The following XRRA1 variants were observed in gnomAD, a reference collection of about 807,000 sequenced individuals.
XRRA1 encodes the protein X-ray radiation resistance-associated protein 1.
Under a neutral mutation model 80.2 loss-of-function variants are expected in XRRA1, and 69 were observed. The ratio of observed to expected loss-of-function variants is 0.86; its 90% CI spans 0.71 to 1.05. The LOEUF is 1.05. Ranked by LOEUF, XRRA1 falls within the 50% of genes least tolerant of loss-of-function variation. XRRA1 has a pLI of 0.00. For missense variants in XRRA1, 967 were observed against 976.4 expected (o/e 0.99, Z 0.13); for synonymous variants, 348 against 389.9 (o/e 0.89, Z 1.27).
intron 11 of XRRA1, among the ~76,000 whole-genome samples, chr11:74,859,804 C>G (rs2041947805): frequency 6.6e-6 from 1 of 152,064 alleles, no homozygotes; most frequent in South Asian, 2.1e-4. Flanking sequence ...GAGGATGAAA[C>G]AACAGTCCTA....
In XRRA1 at chr11:74,949,090, G is replaced by T. The variant is rs951595474; in HGVS notation, c.-235C>A. On this transcript the variant is annotated 5_prime_UTR_variant, in exon 1 of 19. In the 5' UTR this introduces an upstream ATG that the reference lacks. Coordinates refer to ENST00000684022, the MANE Select transcript of XRRA1 (RefSeq NM_001378157.1). ...AGTAACTGCGACGCGACGGCAGACA[G>T]TGTAGGCGGCAACCGACGGCCGGGA... 1 of 532,646 alleles carries T rather than the reference G, an allele frequency of 1.9e-6. No homozygotes were observed. Among genetic ancestry groups the T allele is most frequent in the East Asian group, 3.3e-5 (1 of 30,244 alleles). The allele number at this position is 532,646 out of a possible 1,614,324, so 33.0% of individuals were successfully genotyped here.
intron 7 of XRRA1, among the ~76,000 whole-genome samples, chr11:74,922,413 C>A (rs1941115794): frequency 6.6e-6 from 1 of 152,120 alleles, no homozygotes; most frequent in African/African-American, 2.4e-5. Flanking sequence ...AGTCAGAAAA[C>A]CGTGTTTCTC....
chr11:74,856,704 C>T (rs1460946463), intron 12 of XRRA1, among the ~76,000 whole-genome samples: 1 of 152,180 alleles, frequency 6.6e-6, no homozygotes. Flanking sequence ...AGACTGGAGG[C>T]AGGAGAGAGA....
At chr11:74,927,859 TTC>T (rs1278566514) in intron 6 of XRRA1, among the ~76,000 whole-genome samples, 6 of 152,208 alleles carry the variant, frequency 3.9e-5, no homozygotes, top group Non-Finnish European at 7.3e-5. Flanking sequence ...AAATAAAAAG[TTC>T]TGTTTAATCC....
intron 13 of XRRA1, among the ~76,000 whole-genome samples, 162 bp from the exon 14 acceptor site, chr11:74,851,365 C>T (rs1374106723): frequency 6.6e-6 from 1 of 152,124 alleles, no homozygotes; most frequent in African/African-American, 2.4e-5. Flanking sequence ...GAATTCCTAC[C>T]TCCTACCATT....
At chr11:74,880,979 C>T (rs1218644727) in intron 10 of XRRA1, among the ~76,000 whole-genome samples, 89 of 146,222 alleles carry the variant, frequency 6.1e-4, no homozygotes, top group African/African-American at 1.9e-3. Context: ...CTATTAGGTC[C>T]GCTTGGTGCA....
rs1202077323 is a variant in XRRA1 at position 74,843,091 on chromosome 11, C to G, written c.*109G>C. 28 of 1,408,270 alleles carry G rather than the reference C, an allele frequency of 2.0e-5. No homozygotes were observed. Among genetic ancestry groups the G allele is most frequent in the South Asian group, 2.9e-5 (2 of 68,576 alleles). The allele number at this position is 1,408,270 out of a possible 1,614,324, so 87.2% of individuals were successfully genotyped here. A position where few individuals can be genotyped will look rare whatever the true frequency, so the allele number is the denominator to read the frequency against. On this transcript the variant is annotated 3_prime_UTR_variant, in exon 19 of 19. Coordinates refer to ENST00000684022, the MANE Select transcript of XRRA1 (RefSeq NM_001378157.1). ...CCAGCAAGTGGGGCCCAGCTGAGCT[C>G]TGAGGCCTGTGGCCGGCTGGTCAAC...
chr11:74,921,261 T>C lies in XRRA1; in HGVS notation c.609A>G (p.Thr203=), dbSNP rs202197636. The C allele has an allele frequency of 4.6e-5, 75 of 1,613,852 alleles. 1 individual carries two copies. The South Asian group carries it at 8.1e-4, about 17-fold the overall frequency. The change falls in exon 8 of 19, where the codon ACA becomes ACG. Residue 203 remains threonine, a synonymous_variant. Transcript: ENST00000684022. ...GCGGCAGGGAGGTAAGGCCATTGCC[T>C]GTGAGGAGCAGGACACGGAGGTGTG... The part of the protein sequence containing the change: ...ILPHLRVLLL[T]GNGLTSLPPN...
chr11:74,860,193 A>G (rs1715413096), intron 11 of XRRA1, among the ~76,000 whole-genome samples: 1 of 152,224 alleles, frequency 6.6e-6, no homozygotes, highest in South Asian at 2.1e-4. Flanking sequence ...GTCAACTTGT[A>G]AAACCACACA....
chr11:74,946,800 G>A (rs986346963), intron 1 of XRRA1, among the ~76,000 whole-genome samples: 1 of 150,128 alleles, frequency 6.7e-6, no homozygotes, highest in African/African-American at 2.5e-5. Flanking sequence ...CACCCAGGCT[G>A]GAGTGCAGTG....
chr11:74,865,608 C>CT (rs572000549), intron 10 of XRRA1, among the ~76,000 whole-genome samples: 65 of 152,316 alleles, frequency 4.3e-4, no homozygotes, highest in African/African-American at 1.5e-3. Context: ...CAAGGAACTA[C>CT]TTGTGCAGGG....
chr11:74,867,921 T>TA (rs1208202679), intron 10 of XRRA1, among the ~76,000 whole-genome samples: 21 of 144,060 alleles, frequency 1.5e-4, no homozygotes, highest in Non-Finnish European at 3.1e-4. Context: ...GTCAATCTTT[T>TA]TTTTTTTTTT....
intron 10 of XRRA1, among the ~76,000 whole-genome samples, chr11:74,878,753 T>C (rs2046712037): frequency 6.6e-6 from 1 of 150,608 alleles, no homozygotes; most frequent in South Asian, 2.1e-4. Flanking sequence ...TTCTCAGGTT[T>C]GTCAAAGATC....
chr11:74,859,218 C>A lies in XRRA1; in HGVS notation c.1110G>T (p.Arg370Ser). 1 of 1,609,910 alleles carries A rather than the reference C, an allele frequency of 6.2e-7. No homozygotes were observed. The highest frequency in any genetic ancestry group is 8.5e-7 in the Non-Finnish European group (1 of 1,178,356). Residue 370 changes from arginine (R) to serine (S), a missense_variant, in exon 12 of 19, where the codon AGG (arginine) becomes AGT (serine). Physicochemically the swap from Arg to Ser is moderately radical, Grantham distance 110. Coordinates refer to ENST00000684022, the MANE Select transcript of XRRA1 (RefSeq NM_001378157.1). ...EILPVKSLKARNQTLAPPFPE... is the reference protein window; with the variant it reads ...EILPVKSLKASNQTLAPPFPE... ...GGAAGGGTGGGGCCAGCGTCTGGTTCCTGGCCTTCAGTGACTTCACAGGAA... is the reference window on the plus strand; with the variant it reads ...GGAAGGGTGGGGCCAGCGTCTGGTTACTGGCCTTCAGTGACTTCACAGGAA...
intron 13 of XRRA1, 75 bp from the exon 14 acceptor site, chr11:74,851,278 T>C (rs1333752400): frequency 9.0e-7 from 1 of 1,110,882 alleles, no homozygotes; most frequent in Non-Finnish European, 1.3e-6. Context: ...CCAGGCACTA[T>C]TCAAATTGCT....
chr11:74,867,917 C>CTTTTTTT lies in XRRA1; in HGVS notation c.1004-4903_1004-4897dup, dbSNP rs60520990. Among the ~76,000 whole-genome samples, 50 of 106,744 alleles carry CTTTTTTT rather than the reference C, an allele frequency of 4.7e-4. 1 individual carries two copies. Among genetic ancestry groups the CTTTTTTT allele is most frequent in the Non-Finnish European group, 6.0e-4 (34 of 56,322 alleles). 70.0% of individuals were successfully genotyped at this position (106,744 alleles called of 152,430 possible). ...AGGAGAATGGGGGCCTATAGTCAAT[C>CTTTTTTT]TTTTTTTTTTTTTTTTTTTCTGAGA... On this transcript the variant is annotated intron_variant, in intron 10 of 18. Transcript: ENST00000684022.
intron 10 of XRRA1, among the ~76,000 whole-genome samples, chr11:74,878,997 G>T (rs1317604593): frequency 1.3e-5 from 2 of 149,354 alleles, no homozygotes; most frequent in African/African-American, 4.9e-5. Context: ...CCAATTCTGT[G>T]AAGAAAGTCA....
At position 74,863,260 on chromosome 11, in the gene XRRA1, G is replaced by A. The variant is rs541017403; in HGVS notation, c.1004-239C>T. ...TGCTTATCTAGTCCTCTGATGTCCTGCATGATTGGGCCCCTGCCTACTTCT... is the reference window on the plus strand; with the variant it reads ...TGCTTATCTAGTCCTCTGATGTCCTACATGATTGGGCCCCTGCCTACTTCT... On this transcript the variant is annotated intron_variant, in intron 10 of 18. Transcript: ENST00000684022. The A allele has an allele frequency of 7.6e-6, 4 of 529,280 alleles. No homozygotes were observed. In the Admixed American group the frequency reaches 1.0e-4, roughly 13 times the overall value. 32.8% of individuals were successfully genotyped at this position (529,280 alleles called of 1,614,324 possible).
chr11:74,849,006 T>C (rs1038233895), intron 14 of XRRA1, among the ~76,000 whole-genome samples: 10 of 152,082 alleles, frequency 6.6e-5, no homozygotes, highest in Admixed American at 5.2e-4. Context: ...AAGATAGATC[T>C]CTCTGAAAGA....
Sources: allele counts gnomAD v4.1 joint callset (sites outside exome capture counted in the v4.1 genomes callset), GRCh38; gene constraint gnomAD v4.1.1; transcripts MANE v1.5; gene names NCBI Gene and HGNC (gene_info 2026-07-23, HGNC 2026-07-21).